Variants in SEMA3C observed in about 807,000 individuals in gnomAD.
SEMA3C encodes the protein semaphorin-3C.
In SEMA3C, 47 loss-of-function variants were observed where a neutral mutation model predicts 89.4. The ratio of observed to expected loss-of-function variants is 0.53; its 90% CI spans 0.42 to 0.67. SEMA3C has a LOEUF of 0.67. Among genes scored for constraint, SEMA3C ranks in the 30% least tolerant of loss-of-function variants. The pLI, the probability that SEMA3C is intolerant of heterozygous loss-of-function variation, is 0.00. For missense variants in SEMA3C, 839 were observed against 929.1 expected (o/e 0.90, Z 1.26); for synonymous variants, 310 against 320.2 (o/e 0.97, Z 0.34).
intron 7 of SEMA3C, among the ~76,000 whole-genome samples, chr7:80,805,426 G>A (rs1342907961): frequency 6.6e-6 from 1 of 151,968 alleles, no homozygotes; most frequent in Non-Finnish European, 1.5e-5. Flanking sequence ...ACTGTAGGAT[G>A]ATTAATAGAA....
At chr7:80,857,502 A>G (rs907040370) in intron 2 of SEMA3C, among the ~76,000 whole-genome samples, 1 of 152,208 alleles carries the variant, frequency 6.6e-6, no homozygotes, top group South Asian at 2.1e-4. Context: ...ATTAGACAAA[A>G]TATTTGCTTC....
chr7:80,820,249 A>C (rs1427900357), intron 4 of SEMA3C, among the ~76,000 whole-genome samples: 1 of 151,286 alleles, frequency 6.6e-6, no homozygotes, highest in Non-Finnish European at 1.5e-5. Context: ...TTTAGTAGAG[A>C]CGGGGTTTCA....
At chr7:80,902,305 C>T (rs1791900875) in intron 2 of SEMA3C, among the ~76,000 whole-genome samples, 1 of 152,186 alleles carries the variant, frequency 6.6e-6, no homozygotes, top group African/African-American at 2.4e-5. Context: ...TTCTAGCCAA[C>T]ACTGACAATT....
rs147563544 is a variant in SEMA3C at position 80,888,926 on chromosome 7, C to T, written c.103+27753G>A. On this transcript the variant is annotated intron_variant, in intron 2 of 17. Coordinates refer to ENST00000265361, the MANE Select transcript of SEMA3C (RefSeq NM_006379.5). ...GAACCCTGGCTGGGGTGCAAGGGCGCGATCTCTGCTCACTGCAACCTCTGC... is the reference window on the plus strand; with the variant it reads ...GAACCCTGGCTGGGGTGCAAGGGCGTGATCTCTGCTCACTGCAACCTCTGC... Among the ~76,000 whole-genome samples, 795 of 152,156 alleles carry T rather than the reference C, an allele frequency of 5.2e-3. 4 individuals are homozygous for T. The highest frequency in any genetic ancestry group is 0.017 in the African/African-American group (726 of 41,524).
At chr7:80,917,304 C>T (rs537636993) in intron 1 of SEMA3C, among the ~76,000 whole-genome samples, 2 of 152,294 alleles carry the variant, frequency 1.3e-5, no homozygotes, top group Admixed American at 1.3e-4. Context: ...GTAATTGTCT[C>T]TGGAAGTGGT....
At chr7:80,790,708 T>C (rs1447910756) in intron 11 of SEMA3C, among the ~76,000 whole-genome samples, 3 of 152,206 alleles carry the variant, frequency 2.0e-5, no homozygotes, top group African/African-American at 7.2e-5. Flanking sequence ...GCTCCCCTTC[T>C]CCATCTTTAC....
chr7:80,863,515 C>G (rs903461290), intron 2 of SEMA3C, among the ~76,000 whole-genome samples: 1 of 151,608 alleles, frequency 6.6e-6, no homozygotes, highest in African/African-American at 2.4e-5. Flanking sequence ...GGGTATCTAC[C>G]AGGAGGAAAA....
intron 2 of SEMA3C, among the ~76,000 whole-genome samples, chr7:80,830,841 C>T (rs866631673): frequency 4.0e-5 from 6 of 151,728 alleles, no homozygotes; most frequent in Admixed American, 3.3e-4. Flanking sequence ...GAGGAGAGCA[C>T]GTAAGGGGAG....
chr7:80,805,318 T>G (rs772971749), intron 7 of SEMA3C, among the ~76,000 whole-genome samples: 2 of 152,152 alleles, frequency 1.3e-5, no homozygotes, highest in Non-Finnish European at 2.9e-5. Flanking sequence ...AAAGCATATT[T>G]AATTGCAATA....
intron 2 of SEMA3C, among the ~76,000 whole-genome samples, chr7:80,865,190 G>A (rs1193753594): frequency 6.6e-6 from 1 of 152,086 alleles, no homozygotes; most frequent in Non-Finnish European, 1.5e-5. Flanking sequence ...AGAAATAAAT[G>A]TATGGAAGTA....
At chr7:80,747,544 T>C (rs528817678) in intron 17 of SEMA3C, among the ~76,000 whole-genome samples, 1 of 152,292 alleles carries the variant, frequency 6.6e-6, no homozygotes, top group South Asian at 2.1e-4. Context: ...CTCACTTGTA[T>C]ATAGTAATCA....
chr7:80,791,134 A>G (rs993935525), intron 11 of SEMA3C, among the ~76,000 whole-genome samples: 3 of 151,874 alleles, frequency 2.0e-5, no homozygotes, highest in African/African-American at 7.3e-5. Flanking sequence ...TGGAGAAAGG[A>G]CTGCTGAACA....
intron 2 of SEMA3C, among the ~76,000 whole-genome samples, chr7:80,874,976 C>T (rs534015243): frequency 2.6e-5 from 4 of 151,708 alleles, no homozygotes; most frequent in Admixed American, 2.0e-4. Flanking sequence ...CCCAGCTACT[C>T]GGGAGGCTGA....
At chr7:80,769,906 C>A (rs1313462755) in intron 12 of SEMA3C, among the ~76,000 whole-genome samples, 2 of 146,216 alleles carry the variant, frequency 1.4e-5, no homozygotes, top group South Asian at 4.5e-4. Flanking sequence ...ACAAAAGCTG[C>A]TTTTTATCCA....
chr7:80,809,103 C>A (rs1387118190), intron 6 of SEMA3C, among the ~76,000 whole-genome samples: 1 of 152,056 alleles, frequency 6.6e-6, no homozygotes, highest in African/African-American at 2.4e-5. Flanking sequence ...TAAAGTGTCT[C>A]AATCAAAAGA....
intron 14 of SEMA3C, among the ~76,000 whole-genome samples, chr7:80,759,229 T>C (rs1053912509): frequency 2.6e-5 from 4 of 152,158 alleles, no homozygotes; most frequent in African/African-American, 9.7e-5. Flanking sequence ...GGAATGAGTC[T>C]CTAATTGATA....
chr7:80,760,851 T>C (rs894017669), intron 14 of SEMA3C, among the ~76,000 whole-genome samples: 1 of 152,200 alleles, frequency 6.6e-6, no homozygotes, highest in African/African-American at 2.4e-5. Context: ...TATGGTCAGA[T>C]TGGGATGCAA....
At chr7:80,834,988 T>C (rs112735855) in intron 2 of SEMA3C, among the ~76,000 whole-genome samples, 2,049 of 152,318 alleles carry the variant, frequency 0.013, 47 homozygotes, top group African/African-American at 0.046. Flanking sequence ...GCTGAATCCA[T>C]GGATGTGATA....
intron 2 of SEMA3C, among the ~76,000 whole-genome samples, chr7:80,854,828 T>G (rs1462296976): frequency 6.6e-6 from 1 of 152,224 alleles, no homozygotes; most frequent in African/African-American, 2.4e-5. Flanking sequence ...CATTGTTTTC[T>G]ATGTTTGCAT....
Sources: gnomAD v4.1 joint callset for allele counts (sites outside exome capture counted in the v4.1 genomes callset) on GRCh38, gnomAD v4.1.1 for gene constraint, MANE v1.5 for transcripts, NCBI Gene and HGNC (gene_info 2026-07-23, HGNC 2026-07-21) for gene names.